CSMD2: variants seen among roughly 807,000 people sequenced by gnomAD.
CSMD2 encodes the protein CUB and Sushi multiple domains 2.
In CSMD2, 130 loss-of-function variants were observed where a neutral mutation model predicts 398.5. That is an observed-to-expected ratio of 0.33 (90% CI 0.28 to 0.38). CSMD2 has a LOEUF of 0.38. CSMD2 is among the 10% of genes least tolerant of loss of function. CSMD2 has a pLI of 1.00. For missense variants in CSMD2, 3,829 were observed against 4,764.9 expected (o/e 0.80, Z 5.78); for synonymous variants, 1,828 against 1,908.5 (o/e 0.96, Z 1.10).
intron 5 of CSMD2, among the ~76,000 whole-genome samples, chr1:33,910,721 C>T (rs953034164): frequency 5.9e-5 from 9 of 152,202 alleles, no homozygotes; most frequent in Non-Finnish European, 7.3e-5. Flanking sequence ...TTATAGGGAG[C>T]TGAGGGTGGT....
intron 6 of CSMD2, among the ~76,000 whole-genome samples, chr1:33,841,435 G>A (rs907382235): frequency 2.6e-5 from 4 of 152,306 alleles, no homozygotes; most frequent in African/African-American, 7.2e-5. Context: ...GCCCTGTAGG[G>A]TTAACAAGAG....
chr1:33,567,689 C>A lies in CSMD2; in HGVS notation c.8284G>T (p.Val2762Leu). The A allele has an allele frequency of 6.2e-7, 1 of 1,614,170 alleles. No individual in the cohort carries two copies. Among genetic ancestry groups the A allele is most frequent in the Non-Finnish European group, 8.5e-7 (1 of 1,180,032 alleles). Residue 2762 changes from valine (V) to leucine (L), a missense_variant, in exon 53 of 71, where the codon GTG becomes TTG. Physicochemically the swap from Val to Leu is conservative, Grantham distance 32. This residue lies in a region of CSMD2 where 917 missense variants were observed against 1,199.5 expected (regional missense o/e 0.76). Coordinates refer to ENST00000373381, the MANE Select transcript of CSMD2 (RefSeq NM_001281956.2). ...GENYSYRGSV[V>L]YQCNAGFRLI... ...CGGAAGCCAGCATTGCATTGGTACA[C>A]CACACTGCCCCGGTAGCTGTAGTTC...
At chr1:33,755,713 T>C (rs1648892333) in intron 13 of CSMD2, among the ~76,000 whole-genome samples, 1 of 152,222 alleles carries the variant, frequency 6.6e-6, no homozygotes, top group Non-Finnish European at 1.5e-5. Context: ...GGTGCAATCC[T>C]AGCTCACTGT....
chr1:33,676,039 A>C (rs1210641361), intron 25 of CSMD2, among the ~76,000 whole-genome samples: 1 of 152,212 alleles, frequency 6.6e-6, no homozygotes, highest in African/African-American at 2.4e-5. Flanking sequence ...TTCCCTTTGA[A>C]AACTGGCACA....
chr1:34,124,709 T>C (rs1662561069), intron 1 of CSMD2, among the ~76,000 whole-genome samples: 1 of 152,144 alleles, frequency 6.6e-6, no homozygotes, highest in East Asian at 1.9e-4. Context: ...AGAAACCAAA[T>C]TGTAACTGTC....
At chr1:33,531,103 G>A (rs868271576) in intron 64 of CSMD2, among the ~76,000 whole-genome samples, 3 of 152,222 alleles carry the variant, frequency 2.0e-5, no homozygotes, top group Non-Finnish European at 4.4e-5. Flanking sequence ...TAGATTTTGT[G>A]TTCTTACCAC....
intron 3 of CSMD2, among the ~76,000 whole-genome samples, chr1:33,997,999 C>T (rs1344070274): frequency 1.3e-5 from 2 of 152,120 alleles, no homozygotes; most frequent in African/African-American, 2.4e-5. Flanking sequence ...ATATTTGTTG[C>T]CTTTACAATT....
chr1:33,605,905 C>T lies in CSMD2; in HGVS notation c.6344-435G>A, dbSNP rs769171132. On this transcript the variant is annotated intron_variant, in intron 41 of 70. Coordinates refer to ENST00000373381, the MANE Select transcript of CSMD2 (RefSeq NM_001281956.2). ...AGATCCCAGACATAGGAAGCGGCGA[C>T]GGGAGGAGTTGAGTTGGTTCTTTCC... 19 of 1,613,654 alleles carry T rather than the reference C, an allele frequency of 1.2e-5. No individual in the cohort carries two copies. In the Admixed American group the frequency reaches 1.5e-4, roughly 13 times the overall value.
intron 15 of CSMD2, among the ~76,000 whole-genome samples, chr1:33,735,124 A>T (rs1267697631): frequency 1.3e-5 from 2 of 152,208 alleles, no homozygotes; most frequent in Non-Finnish European, 2.9e-5. Flanking sequence ...TCTTTCATAG[A>T]GGTGTTGGAA....
At chr1:33,730,488 A>C (rs1646683626) in intron 15 of CSMD2, among the ~76,000 whole-genome samples, 1 of 152,188 alleles carries the variant, frequency 6.6e-6, no homozygotes, top group Admixed American at 6.5e-5. Context: ...AGAAACTCAG[A>C]AGCAGAGTGA....
chr1:34,024,906 G>T (rs1649422576), intron 3 of CSMD2, among the ~76,000 whole-genome samples: 1 of 152,214 alleles, frequency 6.6e-6, no homozygotes, highest in African/African-American at 2.4e-5. Context: ...TGTCTGAGAG[G>T]CTGAGGCCGA....
chr1:33,986,362 G>C (rs902268541), intron 3 of CSMD2, among the ~76,000 whole-genome samples: 1 of 152,176 alleles, frequency 6.6e-6, no homozygotes, highest in African/African-American at 2.4e-5. Flanking sequence ...GAAGGGAAGG[G>C]AAGCTAACAC....
chr1:33,644,071 C>T (rs1217891423), intron 29 of CSMD2, among the ~76,000 whole-genome samples: 1 of 152,152 alleles, frequency 6.6e-6, no homozygotes, highest in East Asian at 1.9e-4. Flanking sequence ...GTAGGATGTG[C>T]CTCTCTTCTC....
chr1:33,519,748 G>T lies in CSMD2; in HGVS notation c.10736+64C>A. 3 of 1,612,834 alleles carry T rather than the reference G, an allele frequency of 1.9e-6. No individual in the cohort carries two copies. The highest frequency in any genetic ancestry group is 3.3e-5 in the Admixed American group (2 of 59,996). On this transcript the variant is annotated intron_variant, in intron 69 of 70. Transcript: ENST00000373381. The surrounding 1 kb of genome is among the most constrained non-coding windows in gnomAD (Gnocchi z 5.6). Reference sequence around the variant, plus strand: ...AGAGAGGCTTAGGGGTCTGGTGCGGGGGGCCCTGGAGGGAGAGAGGGAGGC... The same window carrying T: ...AGAGAGGCTTAGGGGTCTGGTGCGGTGGGCCCTGGAGGGAGAGAGGGAGGC...
chr1:33,743,178 G>T, intron 14 of CSMD2, 102 bp downstream of exon 14: 2 of 968,026 alleles, frequency 2.1e-6, no homozygotes, highest in Non-Finnish European at 3.0e-6. Flanking sequence ...CCTGGGAACT[G>T]CCCCATCCAC....
intron 14 of CSMD2, 32 bp from the exon 15 acceptor site, chr1:33,739,366 A>G: frequency 1.9e-6 from 3 of 1,578,832 alleles, no homozygotes; most frequent in Non-Finnish European, 2.6e-6. Flanking sequence ...ACATGATCAG[A>G]CATTGCTGGA....
At chr1:34,134,336 A>G (rs1638490733) in intron 1 of CSMD2, among the ~76,000 whole-genome samples, 1 of 152,228 alleles carries the variant, frequency 6.6e-6, no homozygotes, top group South Asian at 2.1e-4. Flanking sequence ...CCTAGGGGAT[A>G]AAGAGGCCGC....
At chr1:34,152,458 C>A (rs954805571) in intron 1 of CSMD2, among the ~76,000 whole-genome samples, 2 of 152,166 alleles carry the variant, frequency 1.3e-5, no homozygotes, top group African/African-American at 2.4e-5. Context: ...GCCAGCCATC[C>A]CCCTTCTCCA....
intron 25 of CSMD2, among the ~76,000 whole-genome samples, chr1:33,682,633 A>G (rs1312067881): frequency 6.6e-6 from 1 of 152,180 alleles, no homozygotes; most frequent in Non-Finnish European, 1.5e-5. Context: ...TTGTAAATGA[A>G]TATTTTATAG....
Sources: gnomAD v4.1 joint callset for allele counts (sites outside exome capture counted in the v4.1 genomes callset) on GRCh38, gnomAD v4.1.1 for gene constraint, gnomAD v4.1.1 regional missense constraint, Gnocchi (gnomAD v3.1) non-coding constraint, MANE v1.5 for transcripts, NCBI Gene and HGNC (gene_info 2026-07-23, HGNC 2026-07-21) for gene names.